AHCYL2: variants seen among roughly 807,000 people sequenced by gnomAD.
The protein encoded by AHCYL2 is adenosylhomocysteinase like 2.
In AHCYL2, 28 loss-of-function variants were observed where a neutral mutation model predicts 81.4. That is an observed-to-expected ratio of 0.34 (90% CI 0.25 to 0.47). The LOEUF is 0.47. AHCYL2 is among the 20% of genes least tolerant of loss of function. The pLI, the probability that AHCYL2 is intolerant of heterozygous loss-of-function variation, is 1.00. For missense variants in AHCYL2, 551 were observed against 785.1 expected (o/e 0.70, Z 3.56); for synonymous variants, 272 against 290.2 (o/e 0.94, Z 0.64).
At chr7:129,249,489 A>G (rs1237935044) in intron 1 of AHCYL2, among the ~76,000 whole-genome samples, 1 of 151,450 alleles carries the variant, frequency 6.6e-6, no homozygotes, top group East Asian at 2.0e-4. Flanking sequence ...GCAGTGGCGC[A>G]ATCTCGGCTC....
chr7:129,415,256 G>A (rs1035328666), intron 12 of AHCYL2, among the ~76,000 whole-genome samples: 3 of 152,180 alleles, frequency 2.0e-5, no homozygotes, highest in African/African-American at 7.2e-5. Flanking sequence ...AGCCCCCAAA[G>A]GGGAAAGGCC....
chr7:129,417,841 C>G (rs1272430980), intron 12 of AHCYL2, among the ~76,000 whole-genome samples: 1 of 152,128 alleles, frequency 6.6e-6, no homozygotes, highest in African/African-American at 2.4e-5. Flanking sequence ...GAACAATATC[C>G]CGTCTCTCAG....
At chr7:129,290,803 G>A (rs1164190051) in intron 1 of AHCYL2, among the ~76,000 whole-genome samples, 4 of 151,298 alleles carry the variant, frequency 2.6e-5, no homozygotes, top group African/African-American at 4.9e-5. Flanking sequence ...AGTGGCGGGC[G>A]CCTGTAATCC....
intron 1 of AHCYL2, among the ~76,000 whole-genome samples, chr7:129,372,467 A>G (rs940715965): frequency 1.6e-4 from 24 of 152,176 alleles, no homozygotes; most frequent in Admixed American, 9.2e-4. Flanking sequence ...AGTTACGGAA[A>G]GCAGAATTAG....
intron 1 of AHCYL2, among the ~76,000 whole-genome samples, chr7:129,238,038 G>A (rs1794702587): frequency 6.6e-6 from 1 of 152,120 alleles, no homozygotes; most frequent in Non-Finnish European, 1.5e-5. Context: ...TGATTTTAAG[G>A]CCTTGTCAGG....
At chr7:129,261,228 T>G (rs555926631) in intron 1 of AHCYL2, among the ~76,000 whole-genome samples, 1 of 152,268 alleles carries the variant, frequency 6.6e-6, no homozygotes, top group Non-Finnish European at 1.5e-5. Context: ...TTTAATGATA[T>G]CTCTTATATC....
intron 1 of AHCYL2, among the ~76,000 whole-genome samples, chr7:129,262,801 G>A (rs1388887434): frequency 2.0e-5 from 3 of 152,094 alleles, no homozygotes; most frequent in African/African-American, 7.2e-5. Flanking sequence ...CAGTTGGGGG[G>A]CTTAGAATTT....
chr7:129,317,801 G>A (rs1797877329), intron 1 of AHCYL2, among the ~76,000 whole-genome samples: 1 of 152,056 alleles, frequency 6.6e-6, no homozygotes, highest in Admixed American at 6.6e-5. Context: ...TTCATGACAA[G>A]GTTCACCAAG....
At chr7:129,420,241 T>C (rs1251178810) in intron 12 of AHCYL2, among the ~76,000 whole-genome samples, 2 of 152,194 alleles carry the variant, frequency 1.3e-5, no homozygotes, top group African/African-American at 4.8e-5. Flanking sequence ...AAAGATGGGT[T>C]TTAGCTCTTA....
chr7:129,403,681 G>A (rs559184732), intron 7 of AHCYL2, among the ~76,000 whole-genome samples, 196 bp downstream of exon 7: 74 of 151,900 alleles, frequency 4.9e-4, no homozygotes, highest in Middle Eastern at 3.4e-3. Context: ...GGCTAACACG[G>A]TGAAACCCCG....
intron 11 of AHCYL2, chr7:129,409,979 T>C: frequency 1.6e-6 from 1 of 617,474 alleles, no homozygotes; most frequent in East Asian, 2.8e-5. Flanking sequence ...GCATCAGTAA[T>C]CTCATGCAGA....
chr7:129,255,906 A>G, intron 1 of AHCYL2, among the ~76,000 whole-genome samples: 1 of 152,074 alleles, frequency 6.6e-6, no homozygotes, highest in Non-Finnish European at 1.5e-5. Context: ...GGAGGTTGCA[A>G]TGAGCTGAGA....
At chr7:129,251,093 A>T (rs998381832) in intron 1 of AHCYL2, among the ~76,000 whole-genome samples, 6 of 152,156 alleles carry the variant, frequency 3.9e-5, no homozygotes, top group African/African-American at 9.7e-5. Context: ...TTTTAAATAG[A>T]TGTAGTTTAT....
intron 6 of AHCYL2, among the ~76,000 whole-genome samples, chr7:129,401,350 A>C (rs543103335): frequency 1.5e-5 from 2 of 137,734 alleles, no homozygotes; most frequent in South Asian, 2.5e-4. Context: ...CCCCCCCCCA[A>C]AAAAGCTACA....
intron 1 of AHCYL2, among the ~76,000 whole-genome samples, chr7:129,375,261 T>C (rs918330911): frequency 6.6e-5 from 10 of 152,186 alleles, no homozygotes; most frequent in African/African-American, 2.4e-4. Context: ...CTGAAATCAG[T>C]GTCCCCAGTC....
chr7:129,357,631 G>T (rs1410004973), intron 1 of AHCYL2, among the ~76,000 whole-genome samples: 2 of 152,114 alleles, frequency 1.3e-5, no homozygotes, highest in African/African-American at 4.8e-5. Context: ...TAGCCAATAA[G>T]CATATAAAAA....
At chr7:129,288,981 C>T (rs926441589) in intron 1 of AHCYL2, among the ~76,000 whole-genome samples, 4 of 152,004 alleles carry the variant, frequency 2.6e-5, no homozygotes, top group Non-Finnish European at 5.9e-5. Flanking sequence ...AGAGTTTTAC[C>T]GTGTTGCCCA....
At position 129,413,695 on chromosome 7, in the gene AHCYL2, T is replaced by C; in HGVS notation, c.1461+7T>C. On this transcript the variant is annotated splice_region_variant and intron_variant, in intron 12 of 16. Transcript: ENST00000325006. The stretch of plus-strand genomic sequence containing the variant: ...CAACACAGAGATTGACGTGGTAAGA[T>C]CAAGTAGCTCATTATTGGGGGCTTT... 6.2e-7 allele frequency: 1 copy of C among 1,612,094 alleles called. No homozygotes were observed. The highest frequency in any genetic ancestry group is 8.5e-7 in the Non-Finnish European group (1 of 1,178,386).
chr7:129,293,988 G>A (rs1796965835), intron 1 of AHCYL2, among the ~76,000 whole-genome samples: 1 of 151,882 alleles, frequency 6.6e-6, no homozygotes, highest in African/African-American at 2.4e-5. Flanking sequence ...GCTTTATCTG[G>A]TTTGTTTGGT....
Sources: gnomAD v4.1 joint callset for allele counts (sites outside exome capture counted in the v4.1 genomes callset) on GRCh38, gnomAD v4.1.1 for gene constraint, MANE v1.5 for transcripts, NCBI Gene and HGNC (gene_info 2026-07-23, HGNC 2026-07-21) for gene names.